COL14A1: variants seen among roughly 807,000 people sequenced by gnomAD.
COL14A1 encodes collagen alpha-1(XIV) chain.
Under a neutral mutation model 230.3 loss-of-function variants are expected in COL14A1, and 136 were observed. The ratio of observed to expected loss-of-function variants is 0.59; its 90% CI spans 0.51 to 0.68. The LOEUF is 0.68. COL14A1 is among the 30% of genes least tolerant of loss of function. COL14A1 has a pLI of 0.00. For missense variants in COL14A1, 1,976 were observed against 2,215.8 expected (o/e 0.89, Z 2.17); for synonymous variants, 792 against 784.1 (o/e 1.01, Z -0.17).
chr8:120,202,606 C>T (rs1817287032), intron 8 of COL14A1, among the ~76,000 whole-genome samples: 1 of 152,082 alleles, frequency 6.6e-6, no homozygotes, highest in Non-Finnish European at 1.5e-5. Flanking sequence ...TAAATGTTTA[C>T]TCATTTTAAT....
intron 1 of COL14A1, among the ~76,000 whole-genome samples, chr8:120,137,956 T>G (rs1392125994): frequency 6.6e-6 from 1 of 152,056 alleles, no homozygotes; most frequent in South Asian, 2.1e-4. Flanking sequence ...ATACAGAGTA[T>G]GTTTTTCAAT....
chr8:120,329,410 C>G (rs1821794881), intron 40 of COL14A1, among the ~76,000 whole-genome samples: 1 of 152,084 alleles, frequency 6.6e-6, no homozygotes, highest in Non-Finnish European at 1.5e-5. Context: ...AGTCCGAGAC[C>G]AGCCTGAGCA....
intron 40 of COL14A1, among the ~76,000 whole-genome samples, chr8:120,321,865 A>G (rs1365128442): frequency 2.0e-5 from 3 of 152,130 alleles, no homozygotes; most frequent in African/African-American, 4.8e-5. Flanking sequence ...TTCGGATACA[A>G]AAGGTCTTAG....
chr8:120,345,743 C>T (rs1308309822), intron 45 of COL14A1, among the ~76,000 whole-genome samples, 180 bp downstream of exon 45: 2 of 152,132 alleles, frequency 1.3e-5, no homozygotes, highest in African/African-American at 4.8e-5. Context: ...GAGCAATCTG[C>T]CAAGTGGTTA....
chr8:120,313,068 A>T (rs1030125884), intron 37 of COL14A1, among the ~76,000 whole-genome samples: 74 of 152,268 alleles, frequency 4.9e-4, no homozygotes, highest in African/African-American at 1.7e-3. Context: ...AAAAGAAAGG[A>T]AGTAAAATAG....
intron 13 of COL14A1, among the ~76,000 whole-genome samples, chr8:120,215,481 C>T (rs1029573452): frequency 3.3e-5 from 5 of 151,982 alleles, no homozygotes; most frequent in Admixed American, 6.6e-5. Context: ...TGTGGGTTTA[C>T]GCTGAGGGAG....
chr8:120,182,642 T>A, intron 5 of COL14A1, among the ~76,000 whole-genome samples: 1 of 151,882 alleles, frequency 6.6e-6, no homozygotes, highest in African/African-American at 2.4e-5. Flanking sequence ...CTTGGGTCAA[T>A]ATTAACTTAA....
intron 45 of COL14A1, among the ~76,000 whole-genome samples, chr8:120,354,018 T>A (rs1822876963): frequency 7.9e-6 from 1 of 126,950 alleles, no homozygotes; most frequent in Non-Finnish European, 1.6e-5. Flanking sequence ...TAGACTGGAT[T>A]AAGAAAATGT....
At chr8:120,341,724 C>G (rs1822304331) in intron 43 of COL14A1, among the ~76,000 whole-genome samples, 1 of 152,138 alleles carries the variant, frequency 6.6e-6, no homozygotes. Flanking sequence ...AAACTCTATA[C>G]AAGTGACAAG....
intron 5 of COL14A1, among the ~76,000 whole-genome samples, chr8:120,193,376 C>T (rs551689765): frequency 2.3e-4 from 35 of 152,270 alleles, no homozygotes; most frequent in South Asian, 1.2e-3. Context: ...TCGTGATCCG[C>T]GAATGCTGCT....
At chr8:120,263,266 C>G (rs1030658030) in intron 24 of COL14A1, among the ~76,000 whole-genome samples, 1 of 152,120 alleles carries the variant, frequency 6.6e-6, no homozygotes, top group Admixed American at 6.6e-5. Context: ...GATAGTAAAG[C>G]AGTTGAGACA....
chr8:120,256,663 G>T (rs988897689), intron 23 of COL14A1, among the ~76,000 whole-genome samples: 2 of 152,144 alleles, frequency 1.3e-5, no homozygotes, highest in Non-Finnish European at 2.9e-5. Context: ...ATGATTTATG[G>T]GATGCCAAAA....
rs185667490 is a variant in COL14A1 at position 120,217,783 on chromosome 8, T to A, written c.1737+1293T>A. Reference sequence around the variant, plus strand: ...ACACTGAGCTATAGGTGTCTCTTTGTCACCAGAAATACATAAACTACTTTC... The same window carrying A: ...ACACTGAGCTATAGGTGTCTCTTTGACACCAGAAATACATAAACTACTTTC... On this transcript the variant is annotated intron_variant, in intron 14 of 47. Transcript: ENST00000297848. Among the ~76,000 whole-genome samples, 13 of 151,902 alleles carry A rather than the reference T, an allele frequency of 8.6e-5. No individual in the cohort carries two copies. The East Asian group carries it at 2.5e-3, about 29-fold the overall frequency.
chr8:120,268,979 C>G (rs1172129376), intron 25 of COL14A1, among the ~76,000 whole-genome samples: 1 of 151,744 alleles, frequency 6.6e-6, no homozygotes, highest in Non-Finnish European at 1.5e-5. Flanking sequence ...AATCGCAGAA[C>G]TCAACCTTAT....
intron 32 of COL14A1, among the ~76,000 whole-genome samples, chr8:120,285,424 A>G (rs1312172218): frequency 4.4e-5 from 6 of 136,316 alleles, no homozygotes; most frequent in Admixed American, 8.3e-5. Flanking sequence ...AGATCATGCC[A>G]CTGCACTCCA....
intron 33 of COL14A1, among the ~76,000 whole-genome samples, chr8:120,286,957 T>A (rs1198015719): frequency 6.6e-6 from 1 of 152,188 alleles, no homozygotes; most frequent in Non-Finnish European, 1.5e-5. Flanking sequence ...CCCACTGATC[T>A]GTAGTGTTAA....
chr8:120,133,340 G>A lies in COL14A1; in HGVS notation c.-38+8000G>A, dbSNP rs372673428. On this transcript the variant is annotated intron_variant, in intron 1 of 47. Transcript: ENST00000297848. Reference sequence around the variant, plus strand: ...AATACTGATATCAAAACTTGACACAGCATAATAAAAAAGAAAAGCTACAGA... The same window carrying A: ...AATACTGATATCAAAACTTGACACAACATAATAAAAAAGAAAAGCTACAGA... Among the ~76,000 whole-genome samples, 27 of 151,572 alleles carry A rather than the reference G, an allele frequency of 1.8e-4. No homozygotes were observed. The East Asian group carries it at 4.6e-3, about 26-fold the overall frequency.
At chr8:120,345,665 A>G in intron 45 of COL14A1, 102 bp downstream of exon 45, 2 of 1,010,700 alleles carry the variant, frequency 2.0e-6, no homozygotes, top group Non-Finnish European at 2.7e-6. Flanking sequence ...GAAACAATGG[A>G]CTTAAATTAA....
chr8:120,350,281 C>G (rs915796876), intron 45 of COL14A1, among the ~76,000 whole-genome samples: 1 of 151,612 alleles, frequency 6.6e-6, no homozygotes, highest in African/African-American at 2.4e-5. Context: ...GCTGCAAAAT[C>G]ATGCCAAAAT....
Sources: allele counts gnomAD v4.1 joint callset (sites outside exome capture counted in the v4.1 genomes callset), GRCh38; gene constraint gnomAD v4.1.1; transcripts MANE v1.5; gene names NCBI Gene and HGNC (gene_info 2026-07-23, HGNC 2026-07-21).